Variants in MAML2 observed in about 807,000 individuals in gnomAD.
MAML2 encodes mastermind like transcriptional coactivator 2.
In MAML2, 22 loss-of-function variants were observed where a neutral mutation model predicts 96.1. The ratio of observed to expected loss-of-function variants is 0.23; its 90% CI spans 0.16 to 0.33. MAML2 has a LOEUF of 0.33. MAML2 is among the 10% of genes least tolerant of loss of function. The probability of loss-of-function intolerance (pLI) is 1.00; values close to 1 mark genes in which losing one functional copy is unlikely to be tolerated. For missense variants in MAML2, 1,367 were observed against 1,392.4 expected, an observed-to-expected ratio of 0.98 and a Z score of 0.29; for synonymous variants, 561 against 521.3, an observed-to-expected ratio of 1.08 and a Z score of -1.04.
intron 2 of MAML2, among the ~76,000 whole-genome samples, chr11:96,005,447 A>C (rs1858164016): frequency 6.6e-6 from 1 of 152,202 alleles, no homozygotes; most frequent in Non-Finnish European, 1.5e-5. Context: ...TTGAAATTCC[A>C]TTTTTATTTA....
Position 96,341,369 on chromosome 11 carries a change from A to C in MAML2, c.513+14T>G, listed in dbSNP as rs117349218. 36,106 of 1,502,456 alleles carry C rather than the reference A, an allele frequency of 0.024. 547 individuals carry two copies. The highest frequency in any genetic ancestry group is 0.054 in the Admixed American group (2,571 of 47,438). The allele number at this position is 1,502,456 out of a possible 1,614,324, so 93.1% of individuals were successfully genotyped here. A position where few individuals can be genotyped will look rare whatever the true frequency, so the allele number is the denominator to read the frequency against. On this transcript the variant is annotated intron_variant, in intron 1 of 4. Transcript: ENST00000524717. ...AGGACCACAGCCAGAACCATGAGAA[A>C]GCCAGGTGCTTACCGCAATCAGGGC...
intron 1 of MAML2, among the ~76,000 whole-genome samples, chr11:96,151,146 T>C (rs1366334822): frequency 1.3e-5 from 2 of 152,280 alleles, no homozygotes; most frequent in East Asian, 3.9e-4. Flanking sequence ...TTCACTTTCT[T>C]CTAGCCTACC....
chr11:96,118,829 T>C (rs1860288678), intron 1 of MAML2, among the ~76,000 whole-genome samples: 1 of 152,170 alleles, frequency 6.6e-6, no homozygotes, highest in African/African-American at 2.4e-5. Context: ...CTTGTCATAG[T>C]ATTTCTACAT....
chr11:96,163,740 C>T (rs1444719662), intron 1 of MAML2, among the ~76,000 whole-genome samples: 2 of 152,172 alleles, frequency 1.3e-5, no homozygotes, highest in African/African-American at 4.8e-5. Flanking sequence ...CCAAATACCA[C>T]TTCGTATTGA....
intron 1 of MAML2, among the ~76,000 whole-genome samples, chr11:96,165,402 A>G (rs916710206): frequency 1.3e-5 from 2 of 152,178 alleles, no homozygotes; most frequent in Non-Finnish European, 2.9e-5. Context: ...ACACTTTAAG[A>G]ACCAAAGTTG....
At chr11:96,053,224 C>CACT (rs1859014620) in intron 2 of MAML2, among the ~76,000 whole-genome samples, 1 of 152,164 alleles carries the variant, frequency 6.6e-6, no homozygotes, top group South Asian at 2.1e-4. Context: ...GAGAAATGTT[C>CACT]ACTACTTCCT....
At chr11:96,220,607 G>A (rs1357395206) in intron 1 of MAML2, among the ~76,000 whole-genome samples, 1 of 152,122 alleles carries the variant, frequency 6.6e-6, no homozygotes, top group Non-Finnish European at 1.5e-5. Context: ...GCAATGTAAA[G>A]TGTTCTTATA....
Position 96,063,036 on chromosome 11 carries a change from G to T in MAML2, c.2139+28856C>A, listed in dbSNP as rs77919086. On this transcript the variant is annotated intron_variant, in intron 2 of 4. Transcript: ENST00000524717. ...TTAGTATGGCTTATACTCATACAAA[G>T]TCTTTTATGATTTGGTGCCCGTCTC... Among the ~76,000 whole-genome samples the T allele has an allele frequency of 2.2e-3, 333 of 152,236 alleles. 1 individual carries two copies. The highest frequency in any genetic ancestry group is 7.5e-3 in the African/African-American group (313 of 41,536).
At chr11:96,020,301 C>G (rs751485947) in intron 2 of MAML2, among the ~76,000 whole-genome samples, 1 of 152,168 alleles carries the variant, frequency 6.6e-6, no homozygotes, top group Non-Finnish European at 1.5e-5. Context: ...TCTCTTCTGC[C>G]CAGGACTCTA....
Position 96,269,779 on chromosome 11 carries a change from G to A in MAML2, c.513+71604C>T, listed in dbSNP as rs1862888513. 1.4e-5 allele frequency among the ~76,000 whole-genome samples: 2 copies of A among 143,880 alleles called. 1 individual carries two copies. Among genetic ancestry groups the A allele is most frequent in the Non-Finnish European group, 3.0e-5 (2 of 66,676 alleles). The allele number at this position is 143,880 out of a possible 152,430, so 94.4% of individuals were successfully genotyped here. A position where few individuals can be genotyped will look rare whatever the true frequency, so the allele number is the denominator to read the frequency against. On this transcript the variant is annotated intron_variant, in intron 1 of 4. Coordinates refer to ENST00000524717, the MANE Select transcript of MAML2 (RefSeq NM_032427.4). ...ACATGCCTTGGCCTCCCAAAGTGTT[G>A]GGTTTACAGGTGTGAGCCTCCATGC... is the stretch of plus-strand genomic sequence containing the variant.
At chr11:96,006,617 G>C (rs1489533180) in intron 2 of MAML2, among the ~76,000 whole-genome samples, 1 of 149,838 alleles carries the variant, frequency 6.7e-6, no homozygotes, top group African/African-American at 2.5e-5. Flanking sequence ...GGAGTGCAGT[G>C]GCATGATCTC....
intron 2 of MAML2, among the ~76,000 whole-genome samples, chr11:96,053,706 A>C (rs987245548): frequency 6.6e-6 from 1 of 152,196 alleles, no homozygotes. Context: ...CTATTACCTC[A>C]TTAGGGTGAT....
At position 96,026,873 on chromosome 11, in the gene MAML2, CAAATAAAT is replaced by C. The variant is rs72031056; in HGVS notation, c.2140-35158_2140-35151del. 7.2e-3 allele frequency among the ~76,000 whole-genome samples: 1,070 copies of C among 147,662 alleles called. 9 individuals carry two copies. The highest frequency in any genetic ancestry group is 0.024 in the African/African-American group (977 of 39,944). The stretch of plus-strand genomic sequence containing the variant: ...ACAATGCATTTGTTTAGCATCCTGG[CAAATAAAT>C]AAATAAATAAATAAATAAATAAATA... On this transcript the variant is annotated intron_variant, in intron 2 of 4. Coordinates refer to ENST00000524717, the MANE Select transcript of MAML2 (RefSeq NM_032427.4).
intron 2 of MAML2, among the ~76,000 whole-genome samples, chr11:96,004,721 C>A (rs904382961): frequency 3.9e-5 from 6 of 152,090 alleles, no homozygotes; most frequent in African/African-American, 1.4e-4. Flanking sequence ...ATTTTGACTT[C>A]TTGTCTATTA....
At chr11:96,201,329 C>T (rs1018633721) in intron 1 of MAML2, among the ~76,000 whole-genome samples, 2 of 152,088 alleles carry the variant, frequency 1.3e-5, no homozygotes, top group Non-Finnish European at 2.9e-5. Context: ...GTTTAATTGC[C>T]TAAAAGGACC....
Position 96,317,043 on chromosome 11 carries a change from C to CTG in MAML2, c.513+24338_513+24339dup, listed in dbSNP as rs573339875. 7.2e-4 allele frequency among the ~76,000 whole-genome samples: 109 copies of CTG among 152,282 alleles called. No individual in the cohort carries two copies. In the Middle Eastern group the frequency reaches 0.01, roughly 14 times the overall value. ...GGCGCTCATTATCTTGCCAAGCCCT[C>CTG]TGGTTTTACTCGTCCTTCAGCTTCA... On this transcript the variant is annotated intron_variant, in intron 1 of 4. Transcript: ENST00000524717.
intron 3 of MAML2, among the ~76,000 whole-genome samples, chr11:95,989,439 A>G (rs1449978375): frequency 6.6e-6 from 1 of 152,222 alleles, no homozygotes; most frequent in Non-Finnish European, 1.5e-5. Flanking sequence ...GAGTTAGCCC[A>G]GTGCCAGGCC....
At chr11:96,185,996 T>C (rs7934302) in intron 1 of MAML2, among the ~76,000 whole-genome samples, 4,700 of 152,182 alleles carry the variant, frequency 0.031, 232 homozygotes, top group African/African-American at 0.11. Context: ...ACCTACTGGG[T>C]CAGAATCTGC....
At chr11:96,237,658 T>G (rs1862382857) in intron 1 of MAML2, among the ~76,000 whole-genome samples, 1 of 152,250 alleles carries the variant, frequency 6.6e-6, no homozygotes, top group Admixed American at 6.5e-5. Flanking sequence ...CACAGGCAAC[T>G]GCAGACCAAA....
Sources: gnomAD v4.1 joint callset for allele counts (sites outside exome capture counted in the v4.1 genomes callset) on GRCh38, gnomAD v4.1.1 for gene constraint, MANE v1.5 for transcripts, NCBI Gene and HGNC (gene_info 2026-07-23, HGNC 2026-07-21) for gene names.